Variants in SRPK2 observed in about 807,000 individuals in gnomAD.
SRPK2 encodes SFRS protein kinase 2.
In SRPK2, 21 loss-of-function variants were observed where a neutral mutation model predicts 90.8. The ratio of observed to expected loss-of-function variants is 0.23; its 90% CI spans 0.16 to 0.33. SRPK2 has a LOEUF of 0.33. SRPK2 is among the 10% of genes least tolerant of loss of function. SRPK2 has a pLI of 1.00. For synonymous variants in SRPK2, 288 were observed against 311.1 expected (o/e 0.93, Z 0.78); for missense variants, 620 against 869.0 (o/e 0.71, Z 3.60).
At chr7:105,381,503 A>G (rs930750192) in intron 2 of SRPK2, among the ~76,000 whole-genome samples, 1 of 152,040 alleles carries the variant, frequency 6.6e-6, no homozygotes, top group Admixed American at 6.6e-5. Context: ...AAACAAAAAA[A>G]CTAAGCACTA....
chr7:105,117,727 C>T lies in SRPK2; in HGVS notation c.*111G>A, dbSNP rs1799766162. The T allele has an allele frequency of 8.2e-6, 10 of 1,217,228 alleles. No homozygotes were observed. Among genetic ancestry groups the T allele is most frequent in the South Asian group, 1.4e-5 (1 of 73,866 alleles). 75.4% of individuals were successfully genotyped at this position (1,217,228 alleles called of 1,614,324 possible). On this transcript the variant is annotated 3_prime_UTR_variant, in exon 16 of 16. Transcript: ENST00000393651. ...CAGTACCTCAAAGCAAAATAAAGGT[C>T]TGAGGATGAAGCCAGCTCACTTGTA...
chr7:105,124,785 CA>C (rs910995782), intron 15 of SRPK2, among the ~76,000 whole-genome samples: 18 of 148,400 alleles, frequency 1.2e-4, no homozygotes, highest in Non-Finnish European at 2.1e-4. Flanking sequence ...CTGTCACATC[CA>C]AAAAAAAAAT....
rs191552375 is a variant in SRPK2, at chr7:105,277,970, A to G, written c.72-74185T>C. On this transcript the variant is annotated intron_variant, in intron 2 of 15. Transcript: ENST00000393651. ...TAGAGGAGCAGGTTATGAGGTTTGT[A>G]AATGAAGAGAAAAATCAACAAGGAC... 1.7e-3 allele frequency among the ~76,000 whole-genome samples: 263 copies of G among 152,334 alleles called. 2 individuals are homozygous for G. Among genetic ancestry groups the G allele is most frequent in the African/African-American group, 6.1e-3 (253 of 41,582 alleles).
chr7:105,348,163 C>A (rs1376872906), intron 2 of SRPK2, among the ~76,000 whole-genome samples: 1 of 146,792 alleles, frequency 6.8e-6, no homozygotes, highest in African/African-American at 2.5e-5. Flanking sequence ...CCTCCGCCTC[C>A]CGGGTTCAAG....
chr7:105,157,783 A>G (rs1393647798), intron 7 of SRPK2, among the ~76,000 whole-genome samples: 1 of 152,208 alleles, frequency 6.6e-6, no homozygotes, highest in African/African-American at 2.4e-5. Flanking sequence ...AGTGAGGATA[A>G]CACACGCATT....
chr7:105,175,948 T>C (rs1791786804), intron 3 of SRPK2, among the ~76,000 whole-genome samples: 1 of 151,958 alleles, frequency 6.6e-6, no homozygotes, highest in African/African-American at 2.4e-5. Flanking sequence ...TCCTAAAAAG[T>C]AAAAAAAGAG....
chr7:105,163,159 T>C (rs928374674), intron 6 of SRPK2, among the ~76,000 whole-genome samples: 1 of 152,224 alleles, frequency 6.6e-6, no homozygotes, highest in Non-Finnish European at 1.5e-5. Context: ...ACACTATGCA[T>C]AGATTTCAAA....
chr7:105,346,190 G>GT (rs1382520270), intron 2 of SRPK2, among the ~76,000 whole-genome samples: 1 of 152,222 alleles, frequency 6.6e-6, no homozygotes, highest in African/African-American at 2.4e-5. Context: ...AGGTTTTAAA[G>GT]TTTTTTAAAA....
chr7:105,256,830 C>T (rs1034473698), intron 2 of SRPK2, among the ~76,000 whole-genome samples: 1 of 152,172 alleles, frequency 6.6e-6, no homozygotes, highest in African/African-American at 2.4e-5. Context: ...TTCTGTGCTC[C>T]CCACCTGGCT....
chr7:105,250,585 T>C (rs578103569), intron 2 of SRPK2, among the ~76,000 whole-genome samples: 3 of 152,300 alleles, frequency 2.0e-5, no homozygotes, highest in Non-Finnish European at 2.9e-5. Context: ...AGTTCGAAAT[T>C]ACAAAATGTA....
At chr7:105,169,447 C>T (rs1472590826) in intron 3 of SRPK2, among the ~76,000 whole-genome samples, 182 bp from the exon 4 acceptor site, 1 of 152,084 alleles carries the variant, frequency 6.6e-6, no homozygotes, top group East Asian at 1.9e-4. Flanking sequence ...AAAGTGTTGG[C>T]TGGATGTGGT....
upstream of SRPK2, among the ~76,000 whole-genome samples, chr7:105,393,091 T>A (rs140829775): frequency 6.6e-6 from 1 of 152,194 alleles, no homozygotes; most frequent in East Asian, 1.9e-4. Context: ...CCTTCCAGGC[T>A]CAAGTGATTC....
chr7:105,275,301 T>C (rs1037734653), intron 2 of SRPK2, among the ~76,000 whole-genome samples: 2 of 152,206 alleles, frequency 1.3e-5, no homozygotes, highest in Non-Finnish European at 2.9e-5. Context: ...CTATTTTCTT[T>C]TATCTCCAAT....
At chr7:105,301,166 G>A (rs1312432453) in intron 2 of SRPK2, among the ~76,000 whole-genome samples, 8 of 152,108 alleles carry the variant, frequency 5.3e-5, no homozygotes, top group Non-Finnish European at 2.9e-5. Flanking sequence ...CCACTTGGCT[G>A]GGCGCAGTGG....
chr7:105,150,846 T>A (rs896038309), intron 7 of SRPK2, among the ~76,000 whole-genome samples: 3 of 152,230 alleles, frequency 2.0e-5, no homozygotes, highest in African/African-American at 7.2e-5. Context: ...TCAAATACTA[T>A]CTCAAGGTAA....
chr7:105,337,269 T>TA (rs1815206379), intron 2 of SRPK2, among the ~76,000 whole-genome samples: 1 of 151,776 alleles, frequency 6.6e-6, no homozygotes, highest in Admixed American at 6.6e-5. Context: ...CTTTGGCAGG[T>TA]AATTAGGGTT....
intron 3 of SRPK2, among the ~76,000 whole-genome samples, chr7:105,201,309 G>A (rs963688035): frequency 2.0e-5 from 3 of 152,144 alleles, no homozygotes; most frequent in Admixed American, 6.5e-5. Flanking sequence ...GGGCTGGCAC[G>A]GGTATAAGGA....
chr7:105,373,882 G>C (rs1390794619), intron 2 of SRPK2, among the ~76,000 whole-genome samples: 1 of 151,962 alleles, frequency 6.6e-6, no homozygotes, highest in African/African-American at 2.4e-5. Flanking sequence ...CTTTCAACTT[G>C]GTTATGCCTA....
intron 13 of SRPK2, among the ~76,000 whole-genome samples, chr7:105,129,010 A>G (rs6466044): frequency 0.81 from 124,028 of 152,210 alleles, 51,255 homozygotes; most frequent in Non-Finnish European, 0.88. Flanking sequence ...TCGCTCTGTC[A>G]CCCAGGCTGG....
Sources: gnomAD v4.1 joint callset for allele counts (sites outside exome capture counted in the v4.1 genomes callset) on GRCh38, gnomAD v4.1.1 for gene constraint, MANE v1.5 for transcripts, NCBI Gene and HGNC (gene_info 2026-07-23, HGNC 2026-07-21) for gene names.